The following XPO1 variants were observed in gnomAD, a reference collection of about 807,000 sequenced individuals.
XPO1 encodes the protein exportin-1.
XPO1 carries 5 observed loss-of-function variants against 133.3 expected under a neutral mutation model. The ratio of observed to expected loss-of-function variants is 0.04; its 90% CI spans 0.02 to 0.08. The LOEUF is 0.08. Ranked by LOEUF, XPO1 falls within the 10% of genes least tolerant of loss-of-function variation. The probability of loss-of-function intolerance (pLI) is 1.00; values close to 1 mark genes in which losing one functional copy is unlikely to be tolerated. For synonymous variants in XPO1, 419 were observed against 408.2 expected (o/e 1.03, Z -0.32); for missense variants, 506 against 1,267.5 (o/e 0.40, Z 9.12).
chr2:61,505,558 CTT>C (rs1226321912), intron 4 of XPO1, among the ~76,000 whole-genome samples: 1 of 151,502 alleles, frequency 6.6e-6, no homozygotes, highest in Non-Finnish European at 1.5e-5. Flanking sequence ...TGTCTGGCTA[CTT>C]TTTTTGTATT....
chr2:61,496,110 T>C (rs1339518405), intron 10 of XPO1, among the ~76,000 whole-genome samples: 1 of 152,224 alleles, frequency 6.6e-6, no homozygotes, highest in African/African-American at 2.4e-5. Flanking sequence ...TAAAGGCCGC[T>C]ATCACAGCCT....
At chr2:61,522,291 A>T (rs1044187353) in intron 4 of XPO1, among the ~76,000 whole-genome samples, 1 of 152,186 alleles carries the variant, frequency 6.6e-6, no homozygotes, top group Non-Finnish European at 1.5e-5. Context: ...TCCCAGACTC[A>T]AGCGATCTAC....
Position 61,488,182 on chromosome 2 carries a change from A to G in XPO1, c.2296T>C (p.Ser766Pro). 1.2e-6 allele frequency: 2 copies of G among 1,613,966 alleles called. No individual in the cohort carries two copies. Among genetic ancestry groups the G allele is most frequent in the Non-Finnish European group, 1.7e-6 (2 of 1,179,904 alleles). The change falls in exon 19 of 25, where the codon TCC becomes CCC. Residue 766 changes from serine (S) to proline (P), a missense_variant. Transcript: ENST00000401558. ...LKLISGWVSR[S>P]NDPQMVAENF... ...TCACTTACCATCTGTGGATCATTGG[A>G]TCGGCTCACCCAACCAGATATTAAC...
rs539859505 is a variant in XPO1, at chr2:61,514,380, C to T, written c.301+8231G>A. Among the ~76,000 whole-genome samples, 9 of 151,930 alleles carry T rather than the reference C, an allele frequency of 5.9e-5. No individual in the cohort carries two copies. In the East Asian group the frequency reaches 1.7e-3, roughly 30 times the overall value. On this transcript the variant is annotated intron_variant, in intron 4 of 24. Coordinates refer to ENST00000401558, the MANE Select transcript of XPO1 (RefSeq NM_003400.4). The stretch of plus-strand genomic sequence containing the variant: ...GGCTGAGGTGGGCTGATTACCAGGT[C>T]AGGAGTTCGAGACCATCCTGGCCAA...
intron 22 of XPO1, 128 bp downstream of exon 22, chr2:61,482,829 T>TGGC: frequency 9.1e-7 from 1 of 1,093,264 alleles, no homozygotes; most frequent in Non-Finnish European, 1.3e-6. Flanking sequence ...TTCACCATGG[T>TGGC]GGCCAGGCTG....
intron 3 of XPO1, among the ~76,000 whole-genome samples, chr2:61,524,702 G>A (rs776622671): frequency 1.3e-5 from 2 of 152,232 alleles, no homozygotes; most frequent in Non-Finnish European, 2.9e-5. Context: ...CAAGGCGGGA[G>A]GGCCAGGAGT....
intron 2 of XPO1, among the ~76,000 whole-genome samples, chr2:61,529,587 G>A (rs867162838): frequency 3.3e-5 from 5 of 151,812 alleles, no homozygotes; most frequent in Admixed American, 2.6e-4. Flanking sequence ...ACCAGGACCC[G>A]GAAGGCGGAG....
At position 61,478,627 on chromosome 2, in the gene XPO1, T is replaced by C. The variant is rs921785218; in HGVS notation, c.*193A>G. ...CAACTTCATGCAAACTAAATAAAGA[T>C]GACCAAAACAAAAGCTTAAACAATG... On this transcript the variant is annotated 3_prime_UTR_variant, in exon 25 of 25. Transcript: ENST00000401558. The C allele has an allele frequency of 7.0e-6, 4 of 572,542 alleles. No homozygotes were observed. The highest frequency in any genetic ancestry group is 1.9e-5 in the African/African-American group (1 of 51,946). 35.5% of individuals were successfully genotyped at this position (572,542 alleles called of 1,614,324 possible).
At chr2:61,536,019 T>C (rs780792402) in intron 1 of XPO1, among the ~76,000 whole-genome samples, 1 of 152,222 alleles carries the variant, frequency 6.6e-6, no homozygotes. Flanking sequence ...TTTACTACCA[T>C]AGTTGAATGC....
intron 2 of XPO1, among the ~76,000 whole-genome samples, chr2:61,530,689 T>C (rs1699110600): frequency 6.6e-6 from 1 of 151,666 alleles, no homozygotes; most frequent in Admixed American, 6.6e-5. Context: ...GTCACCCTTG[T>C]AAATAATTTC....
chr2:61,494,184 T>C, intron 11 of XPO1, 93 bp from the exon 12 acceptor site: 1 of 1,198,404 alleles, frequency 8.3e-7, no homozygotes. Context: ...AAAATAAAAA[T>C]TCATGTTTTA....
At chr2:61,504,069 T>C (rs914496557) in intron 4 of XPO1, among the ~76,000 whole-genome samples, 8 of 152,202 alleles carry the variant, frequency 5.3e-5, no homozygotes, top group Non-Finnish European at 1.0e-4. Flanking sequence ...ATACGTGTTA[T>C]TATTTTCCAC....
chr2:61,519,730 G>A (rs1007707827), intron 4 of XPO1, among the ~76,000 whole-genome samples: 6 of 138,870 alleles, frequency 4.3e-5, no homozygotes, highest in South Asian at 2.2e-4. Context: ...AAAACACCAC[G>A]TAAAAATTAA....
At chr2:61,502,965 C>CT (rs201077547) in intron 4 of XPO1, among the ~76,000 whole-genome samples, 3,348 of 138,202 alleles carry the variant, frequency 0.024, 155 homozygotes, top group African/African-American at 0.081. Context: ...TGTTTCTTTT[C>CT]TTTTTTTTTT....
At chr2:61,513,331 A>G (rs1698187847) in intron 4 of XPO1, among the ~76,000 whole-genome samples, 1 of 147,522 alleles carries the variant, frequency 6.8e-6, no homozygotes, top group East Asian at 2.0e-4. Flanking sequence ...AGCTAAAACT[A>G]TAAAGGTTCT....
intron 6 of XPO1, among the ~76,000 whole-genome samples, 184 bp downstream of exon 6, chr2:61,501,812 A>T (rs1484005120): frequency 1.3e-5 from 2 of 152,026 alleles, no homozygotes; most frequent in Non-Finnish European, 2.9e-5. Flanking sequence ...CTTTAACGTT[A>T]TTTGATGATT....
At chr2:61,489,362 G>A (rs1335486295) in intron 17 of XPO1, among the ~76,000 whole-genome samples, 3 of 148,808 alleles carry the variant, frequency 2.0e-5, no homozygotes, top group African/African-American at 2.5e-5. Context: ...GCAGTGAGCC[G>A]AGATCACGCC....
intron 20 of XPO1, chr2:61,485,534 G>A: frequency 4.5e-6 from 1 of 224,262 alleles, no homozygotes; most frequent in Non-Finnish European, 8.4e-6. Flanking sequence ...CACCATGACT[G>A]GTTACTTTTT....
intron 4 of XPO1, among the ~76,000 whole-genome samples, chr2:61,518,692 G>A (rs1439652338): frequency 2.0e-5 from 3 of 152,012 alleles, no homozygotes; most frequent in Non-Finnish European, 4.4e-5. Context: ...ATATCAAGGA[G>A]CTTATAGTTT....
Sources: allele counts gnomAD v4.1 joint callset (sites outside exome capture counted in the v4.1 genomes callset), GRCh38; gene constraint gnomAD v4.1.1; transcripts MANE v1.5; gene names NCBI Gene and HGNC (gene_info 2026-07-23, HGNC 2026-07-21).